Variants in DGKB observed in about 807,000 individuals in gnomAD.
DGKB encodes the protein 90 kDa diacylglycerol kinase.
Under a neutral mutation model 114.3 loss-of-function variants are expected in DGKB, and 67 were observed. The observed-to-expected ratio is 0.59, with a 90% confidence interval of 0.48 to 0.72. The LOEUF is 0.72. Among genes scored for constraint, DGKB ranks in the 30% least tolerant of loss-of-function variants. DGKB has a pLI of 0.00. For synonymous variants in DGKB, 398 were observed against 323.1 expected (o/e 1.23, Z -2.49); for missense variants, 907 against 975.2 (o/e 0.93, Z 0.93).
At chr7:14,763,146 C>A (rs1835944025) in intron 2 of DGKB, among the ~76,000 whole-genome samples, 1 of 152,008 alleles carries the variant, frequency 6.6e-6, no homozygotes, top group African/African-American at 2.4e-5. Flanking sequence ...TAGAGCTCTT[C>A]TTTTGCTGAT....
At chr7:14,544,067 T>A (rs1263254723) in intron 20 of DGKB, among the ~76,000 whole-genome samples, 2 of 152,214 alleles carry the variant, frequency 1.3e-5, no homozygotes, top group Admixed American at 6.5e-5. Context: ...TTTCTGAGAA[T>A]CCAAATCAGG....
intron 21 of DGKB, among the ~76,000 whole-genome samples, chr7:14,401,736 T>C (rs1273567303): frequency 6.6e-6 from 1 of 151,816 alleles, no homozygotes; most frequent in Admixed American, 6.6e-5. Context: ...TCCAGCATTA[T>C]AGTTAACCAA....
Position 14,606,000 on chromosome 7 carries a change from T to C in DGKB, c.1433+1434A>G, listed in dbSNP as rs565221087. On this transcript the variant is annotated intron_variant, in intron 17 of 25. Transcript: ENST00000402815. ...TAATTAGCAGAGCCAATTGACCTCT[T>C]GTTTAACTATGAAATACAGGAAAAT... Among the ~76,000 whole-genome samples the C allele has an allele frequency of 7.2e-5, 11 of 152,254 alleles. No homozygotes were observed. In the South Asian group the frequency reaches 2.1e-3, roughly 29 times the overall value.
chr7:14,322,328 G>C (rs1412133725), intron 23 of DGKB, among the ~76,000 whole-genome samples: 1 of 152,166 alleles, frequency 6.6e-6, no homozygotes, highest in Non-Finnish European at 1.5e-5. Context: ...ACAGTGTTCA[G>C]AAATAAATAA....
intron 8 of DGKB, 81 bp downstream of exon 8, chr7:14,698,013 GA>G: frequency 1.3e-6 from 1 of 748,652 alleles, no homozygotes; most frequent in Non-Finnish European, 2.2e-6. Context: ...AAGAAAGAAA[GA>G]AAGAGAAAGA....
chr7:14,719,090 G>A (rs139164179), intron 5 of DGKB, among the ~76,000 whole-genome samples: 1 of 152,172 alleles, frequency 6.6e-6, no homozygotes, highest in Non-Finnish European at 1.5e-5. Flanking sequence ...AAAAATGTCA[G>A]TCTTTCACAA....
At chr7:14,596,968 G>A (rs1802685888) in intron 17 of DGKB, among the ~76,000 whole-genome samples, 1 of 152,176 alleles carries the variant, frequency 6.6e-6, no homozygotes, top group Admixed American at 6.5e-5. Context: ...CTATAGTCTT[G>A]AAAGGAGTCC....
intron 1 of DGKB, among the ~76,000 whole-genome samples, chr7:14,880,373 G>GGGAAC (rs1447712788): frequency 5.2e-4 from 79 of 152,242 alleles, no homozygotes; most frequent in African/African-American, 1.8e-3. Context: ...TAGAAGAATT[G>GGGAAC]CTTGAACCTG....
At chr7:14,667,329 A>G (rs1047601853) in intron 13 of DGKB, among the ~76,000 whole-genome samples, 1 of 152,052 alleles carries the variant, frequency 6.6e-6, no homozygotes, top group Non-Finnish European at 1.5e-5. Flanking sequence ...GTGAGCTTCA[A>G]CCAGAAATTA....
At chr7:14,843,873 C>CGT in intron 1 of DGKB, among the ~76,000 whole-genome samples, 3 of 131,572 alleles carry the variant, frequency 2.3e-5, no homozygotes, top group Non-Finnish European at 3.3e-5. Flanking sequence ...TACAGTTACA[C>CGT]GAAAGGCAGT....
At position 14,149,023 on chromosome 7, in the gene DGKB, C is replaced by G; in HGVS notation, c.*108G>C. On this transcript the variant is annotated 3_prime_UTR_variant, in exon 26 of 26. Coordinates refer to ENST00000402815, the MANE Select transcript of DGKB (RefSeq NM_001350709.2). The stretch of plus-strand genomic sequence containing the variant: ...GTAACAAAAACTGTTAAACCACTTC[C>G]ATGATTTTGCATGAGCAGGAGACTT... 1.0e-6 allele frequency: 1 copy of G among 962,402 alleles called. No homozygotes were observed. Among genetic ancestry groups the G allele is most frequent in the Non-Finnish European group, 1.6e-6 (1 of 608,600 alleles). 59.6% of individuals were successfully genotyped at this position (962,402 alleles called of 1,614,324 possible).
chr7:14,315,634 A>T (rs1281246653), intron 23 of DGKB, among the ~76,000 whole-genome samples: 17 of 146,680 alleles, frequency 1.2e-4, no homozygotes, highest in African/African-American at 4.1e-4. Context: ...TTCATAAAGC[A>T]AGTCCTGAGT....
chr7:14,500,587 T>C (rs1786010658), intron 20 of DGKB, among the ~76,000 whole-genome samples: 2 of 151,760 alleles, frequency 1.3e-5, no homozygotes, highest in South Asian at 4.2e-4. Context: ...TGTTTTTAAT[T>C]TCACTATTAT....
At position 14,266,098 on chromosome 7, in the gene DGKB, G is replaced by A. The variant is rs576202633; in HGVS notation, c.2122+72417C>T. Among the ~76,000 whole-genome samples the A allele has an allele frequency of 3.9e-5, 6 of 152,166 alleles. No individual in the cohort carries two copies. In the South Asian group the frequency reaches 8.3e-4, roughly 21 times the overall value. ...CTGTGGCGGCCTGTTCCCTGTGCTC[G>A]TTCAATTGTTATTTTTATAAGGCAA... On this transcript the variant is annotated intron_variant, in intron 23 of 25. Transcript: ENST00000402815.
chr7:14,402,231 T>C (rs1470221532), intron 21 of DGKB, among the ~76,000 whole-genome samples: 1 of 151,868 alleles, frequency 6.6e-6, no homozygotes, highest in African/African-American at 2.4e-5. Context: ...TAAACTGTCT[T>C]ATCACAGCTT....
chr7:14,346,701 G>A (rs1039032983), intron 21 of DGKB, among the ~76,000 whole-genome samples: 2 of 151,980 alleles, frequency 1.3e-5, no homozygotes, highest in South Asian at 4.1e-4. Context: ...CTACAGATGT[G>A]TCTATATTAA....
At chr7:14,633,170 C>A (rs933659539) in intron 13 of DGKB, among the ~76,000 whole-genome samples, 1 of 151,752 alleles carries the variant, frequency 6.6e-6, no homozygotes, top group African/African-American at 2.4e-5. Context: ...TGATAGAGAG[C>A]AAGTGAGGTT....
At chr7:14,898,590 G>C (rs982952079) in intron 1 of DGKB, among the ~76,000 whole-genome samples, 1 of 152,062 alleles carries the variant, frequency 6.6e-6, no homozygotes, top group African/African-American at 2.4e-5. Flanking sequence ...AACTAGAAGA[G>C]GAAGGGAGCC....
intron 20 of DGKB, among the ~76,000 whole-genome samples, chr7:14,489,663 G>T (rs551180534): frequency 6.6e-6 from 1 of 152,134 alleles, no homozygotes; most frequent in Non-Finnish European, 1.5e-5. Context: ...CCTCATGTGC[G>T]TTTGCAATCA....
Sources: gnomAD v4.1 joint callset for allele counts (sites outside exome capture counted in the v4.1 genomes callset) on GRCh38, gnomAD v4.1.1 for gene constraint, MANE v1.5 for transcripts, NCBI Gene and HGNC (gene_info 2026-07-23, HGNC 2026-07-21) for gene names.